The following IL17RD variants were observed in gnomAD, a reference collection of about 807,000 sequenced individuals.
The protein encoded by IL17RD is interleukin-17 receptor D.
In IL17RD, 52 loss-of-function variants were observed where a neutral mutation model predicts 80.5. The observed-to-expected ratio is 0.65, with a 90% CI of 0.52 to 0.81. The LOEUF is 0.81. Among genes scored for constraint, IL17RD ranks in the 40% least tolerant of loss-of-function variants. The pLI, the probability that IL17RD is intolerant of heterozygous loss-of-function variation, is 0.00. For synonymous variants in IL17RD, 416 were observed against 391.8 expected (o/e 1.06, Z -0.73); for missense variants, 1,024 against 955.1 (o/e 1.07, Z -0.95).
At chr3:57,118,589 C>T (rs1707267002) in intron 2 of IL17RD, among the ~76,000 whole-genome samples, 1 of 152,162 alleles carries the variant, frequency 6.6e-6, no homozygotes, top group Admixed American at 6.5e-5. Flanking sequence ...TTCTATACAA[C>T]TACCTTCTTA....
At chr3:57,125,816 G>A (rs950342437) in intron 1 of IL17RD, among the ~76,000 whole-genome samples, 1 of 152,234 alleles carries the variant, frequency 6.6e-6, no homozygotes, top group Non-Finnish European at 1.5e-5. Flanking sequence ...TGGAAAAGGA[G>A]AGGCTGAAGA....
chr3:57,164,213 G>A (rs1348895178), intron 1 of IL17RD, among the ~76,000 whole-genome samples: 2 of 152,196 alleles, frequency 1.3e-5, no homozygotes, highest in Non-Finnish European at 2.9e-5. Context: ...ACAAGCTTAA[G>A]GCCGTGAGTG....
chr3:57,122,685 T>TA, intron 1 of IL17RD, among the ~76,000 whole-genome samples: 1 of 148,076 alleles, frequency 6.8e-6, no homozygotes, highest in East Asian at 2.0e-4. Context: ...TCCCTGGTGC[T>TA]AAAAAGGTTG....
chr3:57,104,233 CT>C, intron 8 of IL17RD, 108 bp downstream of exon 8: 1 of 715,724 alleles, frequency 1.4e-6, no homozygotes, highest in Non-Finnish European at 2.4e-6. Flanking sequence ...AAAAATATAA[CT>C]GTGCACACCT....
In IL17RD at chr3:57,127,264, AT is replaced by A. The variant is rs1179184071; in HGVS notation, c.127-6952del. Among the ~76,000 whole-genome samples, 479 of 94,748 alleles carry A rather than the reference AT, an allele frequency of 5.1e-3. 18 individuals are homozygous for A. Among genetic ancestry groups the A allele is most frequent in the African/African-American group, 0.027 (455 of 17,016 alleles). The allele number at this position is 94,748 out of a possible 152,430, so 62.2% of individuals were successfully genotyped here. On this transcript the variant is annotated intron_variant, in intron 1 of 12. Transcript: ENST00000296318. The stretch of plus-strand genomic sequence containing the variant: ...TAAATATATATATAAATATATATAA[AT>A]ATATATAAAAATATATATAAATATA...
At position 57,109,677 on chromosome 3, in the gene IL17RD, C is replaced by T. The variant is rs777417379; in HGVS notation, c.430-20G>A. 7 of 1,608,086 alleles carry T rather than the reference C, an allele frequency of 4.4e-6. No homozygotes were observed. In the South Asian group the frequency reaches 7.8e-5, roughly 18 times the overall value. ...CATTCCCTAAAAGGGAACAAAAACA[C>T]AGTGACATCATGGAGAAATTACCCA... is the stretch of plus-strand genomic sequence containing the variant. On this transcript the variant is annotated intron_variant, in intron 4 of 12. Coordinates refer to ENST00000296318, the MANE Select transcript of IL17RD (RefSeq NM_017563.5).
chr3:57,138,096 G>A (rs918354720), intron 1 of IL17RD, among the ~76,000 whole-genome samples: 3 of 152,176 alleles, frequency 2.0e-5, no homozygotes, highest in Non-Finnish European at 2.9e-5. Context: ...CAGGGGCTGC[G>A]GGGAGAGGAG....
intron 1 of IL17RD, among the ~76,000 whole-genome samples, chr3:57,121,962 CCCTCATG>C (rs1309067954): frequency 1.1e-4 from 17 of 152,156 alleles, no homozygotes; most frequent in African/African-American, 4.1e-4. Flanking sequence ...ACTGTCCCCG[CCCTCATG>C]AAATGAATTA....
intron 1 of IL17RD, among the ~76,000 whole-genome samples, chr3:57,128,549 C>T (rs1707541885): frequency 6.6e-6 from 1 of 150,498 alleles, no homozygotes; most frequent in South Asian, 2.1e-4. Flanking sequence ...CACTTTGCCC[C>T]CCGAAATCCA....
intron 8 of IL17RD, 105 bp downstream of exon 8, chr3:57,104,237 G>A: frequency 1.3e-6 from 1 of 750,522 alleles, no homozygotes; most frequent in Non-Finnish European, 2.3e-6. Flanking sequence ...ATATAACTGT[G>A]CACACCTTCA....
chr3:57,140,715 T>C (rs1416620975), intron 1 of IL17RD, among the ~76,000 whole-genome samples: 1 of 152,182 alleles, frequency 6.6e-6, no homozygotes, highest in Non-Finnish European at 1.5e-5. Context: ...TGAAATTTGA[T>C]TGATCTCTGA....
intron 7 of IL17RD, among the ~76,000 whole-genome samples, chr3:57,105,536 C>CAAAAAAAA (rs745910085): frequency 6.2e-4 from 22 of 35,602 alleles, no homozygotes; most frequent in East Asian, 1.7e-3. Flanking sequence ...GACTCCATCT[C>CAAAAAAAA]AAAAAAAAAA....
At chr3:57,146,556 G>C (rs1707934080) in intron 1 of IL17RD, among the ~76,000 whole-genome samples, 1 of 151,982 alleles carries the variant, frequency 6.6e-6, no homozygotes, top group Non-Finnish European at 1.5e-5. Context: ...TTCGAGACCA[G>C]CCTGATCAAC....
chr3:57,147,472 G>A (rs1452866739), intron 1 of IL17RD, among the ~76,000 whole-genome samples: 1 of 152,134 alleles, frequency 6.6e-6, no homozygotes, highest in East Asian at 1.9e-4. Context: ...AGGACAAGCT[G>A]GTAAACATGT....
intron 1 of IL17RD, among the ~76,000 whole-genome samples, chr3:57,161,782 T>C (rs560822452): frequency 6.6e-6 from 1 of 152,362 alleles, no homozygotes; most frequent in African/African-American, 2.4e-5. Flanking sequence ...CCAAACTTGC[T>C]TCTAGTTGCA....
At position 57,098,421 on chromosome 3, in the gene IL17RD, A is replaced by G. The variant is rs750856460; in HGVS notation, c.1282T>C (p.Tyr428His). The G allele has an allele frequency of 2.5e-6, 4 of 1,613,974 alleles. No homozygotes were observed. The highest frequency in any genetic ancestry group is 2.7e-5 in the African/African-American group (2 of 75,034). Residue 428 changes from tyrosine to histidine, a missense_variant, in exon 12 of 13, where the codon TAC becomes CAC. Tyr to His is a moderately conservative substitution (Grantham distance 83, BLOSUM62 2). Coordinates refer to ENST00000296318, the MANE Select transcript of IL17RD (RefSeq NM_017563.5). ...IIVVCSKGMK[Y>H]FVDKKNYKHK... ...TTGTAGTTCTTCTTGTCCACAAAGT[A>G]CTTCATACCTTTGGAACAAACCACA...
At chr3:57,167,978 G>A (rs1299477005), upstream of IL17RD, among the ~76,000 whole-genome samples, 6 of 152,020 alleles carry the variant, frequency 3.9e-5, no homozygotes, top group South Asian at 2.1e-4. Flanking sequence ...TTACAGGCGC[G>A]CAACACTGCA....
chr3:57,143,481 T>C (rs1469399842), intron 1 of IL17RD, among the ~76,000 whole-genome samples: 1 of 152,140 alleles, frequency 6.6e-6, no homozygotes, highest in African/African-American at 2.4e-5. Flanking sequence ...GCAAGGAACA[T>C]CTCCAGGGTC....
chr3:57,119,880 G>C (rs775677762), intron 2 of IL17RD, among the ~76,000 whole-genome samples: 4 of 152,224 alleles, frequency 2.6e-5, no homozygotes, highest in Admixed American at 6.5e-5. Flanking sequence ...CCTCAGACTA[G>C]ACATGAGCTA....
Sources: allele counts gnomAD v4.1 joint callset (sites outside exome capture counted in the v4.1 genomes callset), GRCh38; gene constraint gnomAD v4.1.1; transcripts MANE v1.5; gene names NCBI Gene and HGNC (gene_info 2026-07-23, HGNC 2026-07-21).